MAL: variants seen among roughly 807,000 people sequenced by gnomAD.
The protein encoded by MAL is myelin and lymphocyte protein.
Under a neutral mutation model 16.7 loss-of-function variants are expected in MAL, and 5 were observed. The observed-to-expected ratio is 0.30, with a 90% CI of 0.16 to 0.63. MAL has a LOEUF of 0.63. Ranked by LOEUF, MAL falls within the 30% of genes least tolerant of loss-of-function variation. The pLI, the probability that MAL is intolerant of heterozygous loss-of-function variation, is 0.82. For missense variants in MAL, 202 were observed against 195.8 expected (o/e 1.03, Z -0.19); for synonymous variants, 96 against 85.5 (o/e 1.12, Z -0.67).
chr2:95,040,317 A>G (rs1048007577), intron 1 of MAL, among the ~76,000 whole-genome samples: 3 of 152,044 alleles, frequency 2.0e-5, no homozygotes, highest in African/African-American at 7.2e-5. Context: ...ACACATACAC[A>G]TGCATACAGA....
chr2:95,048,735 C>G (rs1674647551), intron 2 of MAL, among the ~76,000 whole-genome samples: 1 of 152,258 alleles, frequency 6.6e-6, no homozygotes, highest in South Asian at 2.1e-4. Context: ...CTGTCACTCT[C>G]AAAAGCTCTG....
At chr2:95,045,096 G>A (rs375331496) in intron 1 of MAL, among the ~76,000 whole-genome samples, 5 of 152,092 alleles carry the variant, frequency 3.3e-5, no homozygotes, top group East Asian at 1.9e-4. Flanking sequence ...GTCACTATCC[G>A]GTTTACCTTT....
chr2:95,050,297 A>T (rs934047198), intron 3 of MAL, among the ~76,000 whole-genome samples: 6 of 152,266 alleles, frequency 3.9e-5, no homozygotes, highest in Non-Finnish European at 7.3e-5. Flanking sequence ...TCAGAATGAC[A>T]GGGTAACAGA....
chr2:95,051,128 G>A (rs1038778708), intron 3 of MAL, among the ~76,000 whole-genome samples: 4 of 152,176 alleles, frequency 2.6e-5, no homozygotes, highest in Non-Finnish European at 4.4e-5. Flanking sequence ...ACCCCTTCCC[G>A]CTGGGCAGGT....
At chr2:95,052,031 G>A (rs1035706691) in intron 3 of MAL, among the ~76,000 whole-genome samples, 1 of 152,222 alleles carries the variant, frequency 6.6e-6, no homozygotes, top group Non-Finnish European at 1.5e-5. Flanking sequence ...CTACTAATTA[G>A]GGTCTGTTCC....
At chr2:95,038,197 T>A (rs1674300397) in intron 1 of MAL, among the ~76,000 whole-genome samples, 1 of 138,806 alleles carries the variant, frequency 7.2e-6, no homozygotes, top group African/African-American at 2.8e-5. Flanking sequence ...AGTTACTGAG[T>A]GAGTGAGTGA....
chr2:95,037,079 G>A, intron 1 of MAL, among the ~76,000 whole-genome samples: 1 of 151,752 alleles, frequency 6.6e-6, no homozygotes, highest in East Asian at 1.9e-4. Flanking sequence ...CTGAGTGGGT[G>A]AGTGAATGAG....
intron 1 of MAL, among the ~76,000 whole-genome samples, chr2:95,042,135 G>C (rs1674482064): frequency 6.6e-6 from 1 of 152,170 alleles, no homozygotes. Context: ...GAAGAGAGGA[G>C]AGGAGGGGAA....
intron 1 of MAL, among the ~76,000 whole-genome samples, chr2:95,028,104 C>T (rs1249078265): frequency 2.8e-5 from 4 of 142,050 alleles, no homozygotes; most frequent in Admixed American, 1.5e-4. Context: ...GTCAGGAGTT[C>T]GAGACCAGAC....
intron 1 of MAL, among the ~76,000 whole-genome samples, chr2:95,033,639 T>G (rs1674139167): frequency 6.6e-6 from 1 of 152,034 alleles, no homozygotes; most frequent in African/African-American, 2.4e-5. Flanking sequence ...ATTAGCCAAC[T>G]ATGATGGCTT....
Position 95,049,673 on chromosome 2 carries a change from C to G in MAL, c.354C>G (p.Thr118=), listed in dbSNP as rs138931615. The part of the protein sequence containing the change: ...LATITMQDGF[T]YRHYHENIAA... ...CCATCACGATGCAAGACGGCTTCAC[C>G]TACAGGCACTACCATGAAAACATTG... Residue 118 remains threonine (T), a synonymous_variant, in exon 3 of 4, where the codon ACC becomes ACG. Transcript: ENST00000309988. 18 of 1,614,074 alleles carry G rather than the reference C, an allele frequency of 1.1e-5. No individual in the cohort carries two copies. Among genetic ancestry groups the G allele is most frequent in the Non-Finnish European group, 9.3e-6 (11 of 1,180,036 alleles).
At chr2:95,040,135 A>ACACACACGTGCATTCACATG (rs1674408247) in intron 1 of MAL, among the ~76,000 whole-genome samples, 1 of 152,142 alleles carries the variant, frequency 6.6e-6, no homozygotes, top group Non-Finnish European at 1.5e-5. Context: ...ACACACACAC[A>ACACACACGTGCATTCACATG]CACACACGTG....
chr2:95,047,879 C>T, intron 1 of MAL, 80 bp from the exon 2 acceptor site: 1 of 1,414,062 alleles, frequency 7.1e-7, no homozygotes, highest in Admixed American at 2.0e-5. Flanking sequence ...CCAGTCACCC[C>T]ATGTGACCGC....
chr2:95,029,691 A>G (rs1674029592), intron 1 of MAL, among the ~76,000 whole-genome samples: 2 of 152,126 alleles, frequency 1.3e-5, no homozygotes, highest in African/African-American at 2.4e-5. Context: ...AGTAATTCCA[A>G]TTTACACACC....
chr2:95,031,442 C>T (rs1244399102), intron 1 of MAL, among the ~76,000 whole-genome samples: 1 of 152,246 alleles, frequency 6.6e-6, no homozygotes, highest in Non-Finnish European at 1.5e-5. Flanking sequence ...GGTTGAAGAA[C>T]CCGCATTGCA....
intron 1 of MAL, among the ~76,000 whole-genome samples, chr2:95,045,162 T>C (rs937313602): frequency 1.3e-5 from 2 of 152,222 alleles, no homozygotes; most frequent in African/African-American, 4.8e-5. Context: ...GAGCCCTTCT[T>C]GCCTTCATCA....
At chr2:95,028,622 T>C (rs1388993497) in intron 1 of MAL, among the ~76,000 whole-genome samples, 1 of 152,188 alleles carries the variant, frequency 6.6e-6, no homozygotes, top group Admixed American at 6.5e-5. Context: ...TGCATGTTCA[T>C]AGCAGCAGTC....
intron 1 of MAL, among the ~76,000 whole-genome samples, chr2:95,033,707 G>A (rs942606541): frequency 3.9e-5 from 6 of 152,156 alleles, no homozygotes; most frequent in Non-Finnish European, 7.3e-5. Flanking sequence ...TGAGCCTGGA[G>A]GTCAAGGCTG....
intron 1 of MAL, among the ~76,000 whole-genome samples, chr2:95,041,241 G>A (rs769451304): frequency 6.6e-5 from 10 of 152,152 alleles, no homozygotes; most frequent in Admixed American, 1.3e-4. Flanking sequence ...GCGTCTTCCC[G>A]TCCTTGATGA....
Sources: allele counts gnomAD v4.1 joint callset (sites outside exome capture counted in the v4.1 genomes callset), GRCh38; gene constraint gnomAD v4.1.1; transcripts MANE v1.5; gene names NCBI Gene and HGNC (gene_info 2026-07-23, HGNC 2026-07-21).